The following KIAA1549 variants were observed in gnomAD, a reference collection of about 807,000 sequenced individuals.
KIAA1549 encodes the protein UPF0606 protein KIAA1549.
Under a neutral mutation model 156.4 loss-of-function variants are expected in KIAA1549, and 70 were observed. The ratio of observed to expected loss-of-function variants is 0.45; its 90% CI spans 0.37 to 0.55. The LOEUF (loss-of-function observed/expected upper bound fraction) is 0.55. KIAA1549 is among the 20% of genes least tolerant of loss of function. The pLI is 0.00. For synonymous variants in KIAA1549, 1,103 were observed against 1,066.4 expected, an observed-to-expected ratio of 1.03 and a Z score of -0.67; for missense variants, 2,428 against 2,540.9, an observed-to-expected ratio of 0.96 and a Z score of 0.96.
intron 15 of KIAA1549, among the ~76,000 whole-genome samples, chr7:138,864,156 G>A (rs566872081): frequency 1.3e-5 from 2 of 152,280 alleles, no homozygotes; most frequent in South Asian, 4.2e-4. Context: ...CTGCGTATGT[G>A]ACTCTACTGC....
intron 1 of KIAA1549, among the ~76,000 whole-genome samples, chr7:138,943,677 G>A (rs368160064): frequency 5.7e-4 from 87 of 152,076 alleles, no homozygotes; most frequent in East Asian, 1.4e-3. Context: ...GTGAAACCCC[G>A]TCTCTACTAA....
At chr7:138,881,696 C>T (rs566893632) in intron 10 of KIAA1549, 112 bp from the exon 11 acceptor site, 763 of 884,718 alleles carry the variant, frequency 8.6e-4, no homozygotes, top group Non-Finnish European at 1.2e-3. Flanking sequence ...TCCAATCCAA[C>T]AAGCATCGCT....
intron 17 of KIAA1549, among the ~76,000 whole-genome samples, chr7:138,846,805 T>C (rs562850238): frequency 5.3e-5 from 8 of 152,322 alleles, no homozygotes; most frequent in Middle Eastern, 3.4e-3. Flanking sequence ...CAAATGACAC[T>C]GAACCACTAA....
At chr7:138,911,858 C>T (rs1812178999) in intron 3 of KIAA1549, among the ~76,000 whole-genome samples, 1 of 152,202 alleles carries the variant, frequency 6.6e-6, no homozygotes, top group African/African-American at 2.4e-5. Flanking sequence ...TTTGGACGAG[C>T]CCCATTTCAC....
chr7:138,880,401 ATAAT>A (rs1226668456), intron 11 of KIAA1549, among the ~76,000 whole-genome samples: 22 of 152,244 alleles, frequency 1.4e-4, no homozygotes, highest in African/African-American at 5.1e-4. Flanking sequence ...AGCCTGCAAA[ATAAT>A]TAATCAAATA....
intron 16 of KIAA1549, 56 bp from the exon 17 acceptor site, chr7:138,852,325 A>G: frequency 8.7e-7 from 1 of 1,145,758 alleles, no homozygotes; most frequent in Non-Finnish European, 1.3e-6. Flanking sequence ...TTATAAAGTG[A>G]CAACAGCAAA....
chr7:138,956,299 G>A (rs1385773298), intron 1 of KIAA1549, among the ~76,000 whole-genome samples: 2 of 152,188 alleles, frequency 1.3e-5, no homozygotes. Context: ...GATTCAGGAG[G>A]AGAAAGCAGC....
intron 16 of KIAA1549, among the ~76,000 whole-genome samples, chr7:138,855,791 A>T (rs890149427): frequency 6.6e-6 from 1 of 152,068 alleles, no homozygotes. Flanking sequence ...CTCATTCTCC[A>T]TAATAGGTCT....
chr7:138,866,036 C>T (rs1472946811), intron 15 of KIAA1549, among the ~76,000 whole-genome samples: 1 of 152,160 alleles, frequency 6.6e-6, no homozygotes, highest in Admixed American at 6.5e-5. Context: ...CCAAACCCCA[C>T]AGATGCCCAA....
intron 17 of KIAA1549, among the ~76,000 whole-genome samples, chr7:138,850,284 C>T (rs568866093): frequency 6.6e-6 from 1 of 152,300 alleles, no homozygotes; most frequent in Admixed American, 6.5e-5. Flanking sequence ...GCCACACTGC[C>T]TTCCACAACA....
chr7:138,833,851 G>C lies in KIAA1549; in HGVS notation c.*4055C>G, dbSNP rs867495699. The C allele has an allele frequency of 3.0e-5, 7 of 232,874 alleles. No individual in the cohort carries two copies. Among genetic ancestry groups the C allele is most frequent in the Admixed American group, 5.6e-5 (1 of 17,752 alleles). 14.4% of individuals were successfully genotyped at this position (232,874 alleles called of 1,614,324 possible). On this transcript the variant is annotated 3_prime_UTR_variant, in exon 20 of 20. Coordinates refer to ENST00000422774, the MANE Select transcript of KIAA1549 (RefSeq NM_001164665.2). ...TCTGTAGATCTTCACAGCCCTGGTC[G>C]TTTCCTTGCTGCATGACTGCAAAAG...
intron 16 of KIAA1549, among the ~76,000 whole-genome samples, chr7:138,853,231 A>G (rs1382805016): frequency 3.3e-5 from 5 of 152,190 alleles, no homozygotes; most frequent in East Asian, 1.9e-4. Flanking sequence ...TTGCTCTAAT[A>G]TAACATCTTT....
At chr7:138,958,586 C>T (rs1299107817) in intron 1 of KIAA1549, among the ~76,000 whole-genome samples, 1 of 152,166 alleles carries the variant, frequency 6.6e-6, no homozygotes, top group Admixed American at 6.5e-5. Context: ...GTCTCACTTA[C>T]ATCCCATGAT....
At chr7:138,972,969 C>T (rs1814263691) in intron 1 of KIAA1549, among the ~76,000 whole-genome samples, 1 of 152,050 alleles carries the variant, frequency 6.6e-6, no homozygotes, top group African/African-American at 2.4e-5. Flanking sequence ...TTGCAGGCAC[C>T]CGCCACCACA....
chr7:138,929,195 A>G (rs1812804458), intron 1 of KIAA1549, among the ~76,000 whole-genome samples: 1 of 152,232 alleles, frequency 6.6e-6, no homozygotes, highest in Non-Finnish European at 1.5e-5. Context: ...TTCCTTCAAA[A>G]TTGGAGTGAA....
intron 1 of KIAA1549, among the ~76,000 whole-genome samples, chr7:138,977,982 G>A (rs1160782623): frequency 6.6e-6 from 1 of 152,220 alleles, no homozygotes; most frequent in Non-Finnish European, 1.5e-5. Context: ...TTACAGGCGT[G>A]AGCCAGCGCG....
At chr7:138,903,764 A>G (rs1489420768) in intron 7 of KIAA1549, 28 bp from the exon 8 acceptor site, 1 of 1,552,918 alleles carries the variant, frequency 6.4e-7, no homozygotes, top group South Asian at 1.2e-5. Flanking sequence ...CATACGTGGC[A>G]CCCAAAACAA....
At chr7:138,977,985 C>G (rs988298105) in intron 1 of KIAA1549, among the ~76,000 whole-genome samples, 2 of 152,206 alleles carry the variant, frequency 1.3e-5, no homozygotes, top group Non-Finnish European at 2.9e-5. Flanking sequence ...CAGGCGTGAG[C>G]CAGCGCGCAT....
Position 138,919,194 on chromosome 7 carries a change from T to G in KIAA1549, c.432A>C (p.Ser144=). 6.2e-7 allele frequency: 1 copy of G among 1,614,032 alleles called. No individual in the cohort carries two copies. Among genetic ancestry groups the G allele is most frequent in the East Asian group, 2.2e-5 (1 of 44,872 alleles). The stretch of plus-strand genomic sequence containing the variant: ...TGACGGCCACCTCTTTACTCGTCAC[T>G]GACACGTAAGTTGCCACAAAGATGC... ...DPSIFVATYV[S]VTSKEVAVND... is the part of the protein sequence containing the mutation. Residue 144 remains serine (S), a synonymous_variant, in exon 2 of 20, where the codon TCA becomes TCC. Coordinates refer to ENST00000422774, the MANE Select transcript of KIAA1549 (RefSeq NM_001164665.2).
Sources: allele counts gnomAD v4.1 joint callset (sites outside exome capture counted in the v4.1 genomes callset), GRCh38; gene constraint gnomAD v4.1.1; transcripts MANE v1.5; gene names NCBI Gene and HGNC (gene_info 2026-07-23, HGNC 2026-07-21).